The following ATP8A1 variants were observed in gnomAD, a reference collection of about 807,000 sequenced individuals.
The protein encoded by ATP8A1 is ATPase phospholipid transporting 8A1, also known as phospholipid-transporting ATPase IA.
In ATP8A1, 90 loss-of-function variants were observed where a neutral mutation model predicts 177.7. The ratio of observed to expected loss-of-function variants is 0.51; its 90% CI spans 0.43 to 0.60. The LOEUF (loss-of-function observed/expected upper bound fraction) is 0.60. Ranked by LOEUF, ATP8A1 falls within the 20% of genes least tolerant of loss-of-function variation. The pLI, the probability that ATP8A1 is intolerant of heterozygous loss-of-function variation, is 0.00. For synonymous variants in ATP8A1, 493 were observed against 485.9 expected, an observed-to-expected ratio of 1.01 and a Z score of -0.19; for missense variants, 1,072 against 1,392.8, an observed-to-expected ratio of 0.77 and a Z score of 3.67.
intron 14 of ATP8A1, among the ~76,000 whole-genome samples, chr4:42,573,136 G>A (rs1732071503): frequency 1.3e-5 from 2 of 152,170 alleles, no homozygotes; most frequent in South Asian, 4.1e-4. Context: ...TCTGATTTTA[G>A]CTTTCTGTTC....
chr4:42,538,245 G>A (rs1728039186), intron 20 of ATP8A1, among the ~76,000 whole-genome samples: 1 of 152,092 alleles, frequency 6.6e-6, no homozygotes, highest in Non-Finnish European at 1.5e-5. Flanking sequence ...ATCCTCATCT[G>A]TCATCTTAGA....
chr4:42,433,419 T>C (rs1396270838), intron 33 of ATP8A1, among the ~76,000 whole-genome samples: 1 of 152,172 alleles, frequency 6.6e-6, no homozygotes, highest in African/African-American at 2.4e-5. Context: ...GAACCCGGTA[T>C]AGGTCCTGAG....
intron 15 of ATP8A1, among the ~76,000 whole-genome samples, chr4:42,563,228 A>G (rs1489248210): frequency 6.6e-6 from 1 of 152,208 alleles, no homozygotes; most frequent in African/African-American, 2.4e-5. Context: ...TGGGAACTGG[A>G]GAAAAGGTGA....
In ATP8A1 at chr4:42,552,557, T is replaced by C. The variant is rs772460704; in HGVS notation, c.1467A>G (p.Thr489=). The stretch of plus-strand genomic sequence containing the variant: ...TGTCACCTTCTCGCTCTGGCACTGC[T>C]GTGTGACAGACTGCCATCATTGTAA... ...EFLTMMAVCH[T]AVPEREGDKI... The change falls in exon 17 of 37, where the codon ACA becomes ACG. Residue 489 remains threonine (T), a synonymous_variant. Transcript: ENST00000381668. 12 of 1,613,822 alleles carry C rather than the reference T, an allele frequency of 7.4e-6. No individual in the cohort carries two copies. The highest frequency in any genetic ancestry group is 5.0e-5 in the Admixed American group (3 of 59,948).
At chr4:42,551,657 G>A (rs957193735) in intron 17 of ATP8A1, among the ~76,000 whole-genome samples, 1 of 152,164 alleles carries the variant, frequency 6.6e-6, no homozygotes, top group Non-Finnish European at 1.5e-5. Flanking sequence ...AAAATGTTGA[G>A]TCTAGAGAAA....
At chr4:42,435,450 CAAAAA>C (rs11306070) in intron 33 of ATP8A1, among the ~76,000 whole-genome samples, 1 of 116,970 alleles carries the variant, frequency 8.5e-6, no homozygotes, top group Non-Finnish European at 1.8e-5. Flanking sequence ...AAAAAAAAAA[CAAAAA>C]AAAAAAAACA....
rs1266777661 is a variant in ATP8A1 at position 42,410,458 on chromosome 4, A to G, written c.*2458T>C. On this transcript the variant is annotated 3_prime_UTR_variant, in exon 37 of 37. Coordinates refer to ENST00000381668, the MANE Select transcript of ATP8A1 (RefSeq NM_006095.2). ...TGTTTATTTCAATCCTGGTAAAACCATGTGACTTTTTTCCAGTTAAGGAAG... is the reference window on the plus strand; with the variant it reads ...TGTTTATTTCAATCCTGGTAAAACCGTGTGACTTTTTTCCAGTTAAGGAAG... 2 of 152,178 alleles carry G rather than the reference A, an allele frequency of 1.3e-5. No individual in the cohort carries two copies. The highest frequency in any genetic ancestry group is 2.1e-4 in the South Asian group (1 of 4,828). The allele number at this position is 152,178 out of a possible 1,614,324, so 9.4% of individuals were successfully genotyped here.
chr4:42,534,139 C>T (rs941648242), intron 20 of ATP8A1, among the ~76,000 whole-genome samples: 2 of 152,122 alleles, frequency 1.3e-5, no homozygotes, highest in South Asian at 4.1e-4. Flanking sequence ...AAAGATCATG[C>T]TAAGTCACCA....
Position 42,455,437 on chromosome 4 carries a change from G to C in ATP8A1, c.2695-18C>G. ...GTAAACATCTAAAGCGCACAAACTG[G>C]TCATTATGTCAAGCAGCCAAATGCA... On this transcript the variant is annotated intron_variant, in intron 28 of 36. Transcript: ENST00000381668. 1 of 1,613,644 alleles carries C rather than the reference G, an allele frequency of 6.2e-7. No individual in the cohort carries two copies. The highest frequency in any genetic ancestry group is 8.5e-7 in the Non-Finnish European group (1 of 1,179,736).
At position 42,443,633 on chromosome 4, in the gene ATP8A1, C is replaced by T. The variant is rs1395050935; in HGVS notation, c.3055G>A (p.Val1019Met). Reference protein sequence around the residue: ...IAIWGSIALWVVFFGIYSSLW... With the variant: ...IAIWGSIALWMVFFGIYSSLW... The stretch of plus-strand genomic sequence containing the variant: ...GATGAGTAGATTCCAAAAAACACCA[C>T]CCAGAGTGCGATGCTCCCCCATATC... Residue 1019 changes from valine (V) to methionine (M), a missense_variant, in exon 33 of 37, where the codon GTG becomes ATG. Physicochemically the swap from Val to Met is conservative, Grantham distance 21 (BLOSUM62 1). Around this residue, in one of 5 missense-constraint regions of ATP8A1, gnomAD observed 316 missense variants for 459.1 expected, o/e 0.69. Coordinates refer to ENST00000381668, the MANE Select transcript of ATP8A1 (RefSeq NM_006095.2). 6.4e-7 allele frequency: 1 copy of T among 1,573,750 alleles called. No homozygotes were observed. The highest frequency in any genetic ancestry group is 8.7e-7 in the Non-Finnish European group (1 of 1,143,348).
chr4:42,625,455 A>C (rs535784898), intron 3 of ATP8A1, 159 bp downstream of exon 3: 1 of 473,492 alleles, frequency 2.1e-6, no homozygotes, highest in Non-Finnish European at 3.8e-6. Context: ...AAAAGGCTGG[A>C]AAAGGTAGTG....
chr4:42,464,467 G>C (rs532582404), intron 27 of ATP8A1, among the ~76,000 whole-genome samples: 2 of 152,228 alleles, frequency 1.3e-5, no homozygotes, highest in South Asian at 4.1e-4. Context: ...GTTTCACCAT[G>C]TTGGCTAAGC....
intron 1 of ATP8A1, among the ~76,000 whole-genome samples, chr4:42,648,896 A>G (rs1025355385): frequency 2.0e-5 from 3 of 152,224 alleles, no homozygotes; most frequent in Non-Finnish European, 4.4e-5. Flanking sequence ...CATAAGGAGG[A>G]AGAAAAATGC....
At chr4:42,429,202 G>A (rs1434750260) in intron 33 of ATP8A1, among the ~76,000 whole-genome samples, 6 of 152,108 alleles carry the variant, frequency 3.9e-5, no homozygotes, top group Non-Finnish European at 8.8e-5. Flanking sequence ...ACGTATTTTG[G>A]GGAGAGGAGT....
intron 27 of ATP8A1, among the ~76,000 whole-genome samples, chr4:42,464,413 TGCTA>T (rs1415127382): frequency 3.3e-5 from 5 of 151,650 alleles, no homozygotes; most frequent in Admixed American, 2.0e-4. Context: ...TACAGGTGCC[TGCTA>T]CCACGCCTGG....
intron 24 of ATP8A1, among the ~76,000 whole-genome samples, chr4:42,494,654 G>C (rs1723085049): frequency 6.6e-6 from 1 of 152,152 alleles, no homozygotes. Flanking sequence ...TACATGGTAG[G>C]AGGACAAATA....
intron 24 of ATP8A1, among the ~76,000 whole-genome samples, chr4:42,493,942 C>T (rs1722983926): frequency 6.6e-6 from 1 of 152,014 alleles, no homozygotes; most frequent in Non-Finnish European, 1.5e-5. Context: ...TGGCTCCCAC[C>T]TGTAATCCCA....
chr4:42,423,091 T>A (rs910341926), intron 34 of ATP8A1, among the ~76,000 whole-genome samples, 192 bp from the exon 35 acceptor site: 2 of 152,144 alleles, frequency 1.3e-5, no homozygotes, highest in Non-Finnish European at 2.9e-5. Context: ...AAATAAATGA[T>A]GGTTTAGGTT....
At chr4:42,547,647 G>A (rs1729064597) in intron 19 of ATP8A1, among the ~76,000 whole-genome samples, 1 of 152,152 alleles carries the variant, frequency 6.6e-6, no homozygotes, top group Non-Finnish European at 1.5e-5. Context: ...AGAAAGAGAC[G>A]AGGAGTGCAC....
Sources: allele counts gnomAD v4.1 joint callset (sites outside exome capture counted in the v4.1 genomes callset), GRCh38; gene constraint gnomAD v4.1.1; regional missense constraint gnomAD v4.1.1; transcripts MANE v1.5; gene names NCBI Gene and HGNC (gene_info 2026-07-23, HGNC 2026-07-21).